The following GRIK2 variants were observed in gnomAD, a reference collection of about 807,000 sequenced individuals.
GRIK2 encodes glutamate receptor ionotropic, kainate 2.
Under a neutral mutation model 100.3 loss-of-function variants are expected in GRIK2, and 32 were observed. That is an observed-to-expected ratio of 0.32 (90% CI 0.24 to 0.43). GRIK2 has a LOEUF of 0.43. Among genes scored for constraint, GRIK2 ranks in the 20% least tolerant of loss-of-function variants. The pLI is 1.00. For synonymous variants in GRIK2, 417 were observed against 389.4 expected (o/e 1.07, Z -0.83); for missense variants, 843 against 1,114.9 (o/e 0.76, Z 3.47).
intron 5 of GRIK2, among the ~76,000 whole-genome samples, chr6:101,678,968 G>A (rs1305228713): frequency 2.0e-5 from 3 of 152,118 alleles, no homozygotes; most frequent in Non-Finnish European, 4.4e-5. Flanking sequence ...TTTCCTCTGA[G>A]GCAAGTTGAG....
chr6:101,832,479 G>C (rs1259513601), intron 10 of GRIK2, among the ~76,000 whole-genome samples: 1 of 152,054 alleles, frequency 6.6e-6, no homozygotes, highest in African/African-American at 2.4e-5. Flanking sequence ...ATTATTAAAA[G>C]TTAGGCCATA....
intron 12 of GRIK2, chr6:101,890,386 T>C (rs1420822307): frequency 6.6e-6 from 1 of 152,348 alleles, no homozygotes; most frequent in Non-Finnish European, 1.5e-5. Context: ...TTACCAAAAG[T>C]ACTTTATTGT....
chr6:101,939,214 G>A (rs571608456), intron 14 of GRIK2, among the ~76,000 whole-genome samples: 2 of 151,960 alleles, frequency 1.3e-5, no homozygotes, highest in Non-Finnish European at 2.9e-5. Flanking sequence ...CCAAGTTGTG[G>A]CGTGAAATCC....
At chr6:101,656,942 A>G (rs920948724) in intron 4 of GRIK2, among the ~76,000 whole-genome samples, 1 of 152,222 alleles carries the variant, frequency 6.6e-6, no homozygotes, top group South Asian at 2.1e-4. Context: ...CTATATTTGG[A>G]GAAAGACTTC....
At chr6:101,507,530 AG>A in intron 2 of GRIK2, among the ~76,000 whole-genome samples, 1 of 152,306 alleles carries the variant, frequency 6.6e-6, no homozygotes, top group African/African-American at 2.4e-5. Flanking sequence ...AAGTTAAAAA[AG>A]ATGAACATAT....
intron 4 of GRIK2, among the ~76,000 whole-genome samples, chr6:101,655,450 T>C (rs1469540227): frequency 6.6e-6 from 1 of 151,994 alleles, no homozygotes; most frequent in African/African-American, 2.4e-5. Context: ...ACAAGAAAAA[T>C]ACAGCTGCAC....
intron 15 of GRIK2, among the ~76,000 whole-genome samples, chr6:102,039,654 A>G (rs2114445022): frequency 6.6e-6 from 1 of 151,558 alleles, no homozygotes; most frequent in South Asian, 2.1e-4. Context: ...CTGTACTTAA[A>G]AGCCTTCTTG....
At chr6:101,989,595 T>C (rs1162221718) in intron 14 of GRIK2, among the ~76,000 whole-genome samples, 1 of 151,666 alleles carries the variant, frequency 6.6e-6, no homozygotes, top group Non-Finnish European at 1.5e-5. Context: ...TTTGTCCATA[T>C]GAGAAAATTC....
intron 14 of GRIK2, among the ~76,000 whole-genome samples, chr6:101,972,126 T>C (rs1346886891): frequency 6.6e-6 from 1 of 152,060 alleles, no homozygotes; most frequent in Non-Finnish European, 1.5e-5. Flanking sequence ...ATGGGATTGC[T>C]GGGTTGAAAG....
At chr6:101,967,540 A>G (rs1484794726) in intron 14 of GRIK2, among the ~76,000 whole-genome samples, 1 of 152,082 alleles carries the variant, frequency 6.6e-6, no homozygotes, top group East Asian at 1.9e-4. Flanking sequence ...ACCTTTCTCA[A>G]TTTCAAACAC....
intron 14 of GRIK2, among the ~76,000 whole-genome samples, chr6:101,991,062 T>C (rs1794336650): frequency 6.6e-6 from 1 of 151,838 alleles, no homozygotes; most frequent in Non-Finnish European, 1.5e-5. Flanking sequence ...TAAGCTGCTC[T>C]TACTGATTCA....
intron 2 of GRIK2, among the ~76,000 whole-genome samples, chr6:101,451,707 G>GGA (rs1562147409): frequency 7.3e-6 from 1 of 136,256 alleles, no homozygotes; most frequent in African/African-American, 2.8e-5. Flanking sequence ...GGGGGGGGGG[G>GGA]TGCCAAATAC....
At chr6:101,826,453 G>A (rs1009125219) in intron 10 of GRIK2, among the ~76,000 whole-genome samples, 3 of 152,064 alleles carry the variant, frequency 2.0e-5, no homozygotes, top group Non-Finnish European at 2.9e-5. Flanking sequence ...GGTGGGAAAG[G>A]AGATGATGAA....
At chr6:101,706,872 G>A (rs1209763565) in intron 7 of GRIK2, among the ~76,000 whole-genome samples, 2 of 151,910 alleles carry the variant, frequency 1.3e-5, no homozygotes, top group Non-Finnish European at 2.9e-5. Flanking sequence ...AGATGCTAGA[G>A]GCTGTCCTTC....
In GRIK2 at chr6:102,067,907, AAAC is replaced by A. The variant is rs201813231; in HGVS notation, c.2563-435_2563-433del. The stretch of plus-strand genomic sequence containing the variant: ...GATGTACAATGAAGAATCAATGTTC[AAAC>A]AACATTTGCATATCTCATCTTGTGA... On this transcript the variant is annotated intron_variant, in intron 16 of 16. Coordinates refer to ENST00000369134, the MANE Select transcript of GRIK2 (RefSeq NM_021956.5). 1.4e-3 allele frequency among the ~76,000 whole-genome samples: 211 copies of A among 152,058 alleles called. 1 individual carries two copies. Among genetic ancestry groups the A allele is most frequent in the African/African-American group, 4.6e-3 (190 of 41,552 alleles).
At chr6:101,439,716 A>G (rs1405653087) in intron 2 of GRIK2, among the ~76,000 whole-genome samples, 2 of 152,166 alleles carry the variant, frequency 1.3e-5, no homozygotes, top group African/African-American at 4.8e-5. Flanking sequence ...TTGAAATAAC[A>G]AAAACAAGAA....
chr6:102,052,700 ATACT>A, intron 15 of GRIK2, among the ~76,000 whole-genome samples: 1 of 152,356 alleles, frequency 6.6e-6, no homozygotes, highest in East Asian at 1.9e-4. Context: ...CACAAAATAA[ATACT>A]TAAGTGGATT....
chr6:101,777,677 C>A (rs1356668118), intron 7 of GRIK2, among the ~76,000 whole-genome samples: 1 of 151,960 alleles, frequency 6.6e-6, no homozygotes, highest in South Asian at 2.1e-4. Flanking sequence ...TTTATTAGAC[C>A]ATGCAGCTCT....
intron 2 of GRIK2, among the ~76,000 whole-genome samples, chr6:101,617,940 G>A (rs1779974965): frequency 6.6e-6 from 1 of 151,030 alleles, no homozygotes; most frequent in South Asian, 2.1e-4. Flanking sequence ...ATATATATGT[G>A]TGTGTATATA....
Sources: gnomAD v4.1 joint callset for allele counts (sites outside exome capture counted in the v4.1 genomes callset) on GRCh38, gnomAD v4.1.1 for gene constraint, MANE v1.5 for transcripts, NCBI Gene and HGNC (gene_info 2026-07-23, HGNC 2026-07-21) for gene names.